Variants in BAZ1B observed in about 807,000 individuals in gnomAD.
BAZ1B encodes the protein bromodomain adjacent to zinc finger domain 1B, also known as tyrosine-protein kinase BAZ1B.
In BAZ1B, 22 loss-of-function variants were observed where a neutral mutation model predicts 153.8. The observed-to-expected ratio is 0.14, with a 90% CI of 0.10 to 0.20. BAZ1B has a LOEUF of 0.20. Among genes scored for constraint, BAZ1B ranks in the 10% least tolerant of loss-of-function variants. The pLI, the probability that BAZ1B is intolerant of heterozygous loss-of-function variation, is 1.00. For synonymous variants in BAZ1B, 676 were observed against 633.4 expected, an observed-to-expected ratio of 1.07 and a Z score of -1.01; for missense variants, 1,325 against 1,799.3, an observed-to-expected ratio of 0.74 and a Z score of 4.77.
At chr7:73,520,535 A>G (rs1484228060) in intron 1 of BAZ1B, among the ~76,000 whole-genome samples, 1 of 152,104 alleles carries the variant, frequency 6.6e-6, no homozygotes, top group Non-Finnish European at 1.5e-5. Context: ...CAACTCAGCA[A>G]ACCAAGCCCG....
intron 4 of BAZ1B, among the ~76,000 whole-genome samples, chr7:73,495,563 T>C (rs782759080): frequency 3.3e-5 from 5 of 152,138 alleles, no homozygotes; most frequent in Non-Finnish European, 7.4e-5. Flanking sequence ...AGCTAAGAGA[T>C]ATGAGTGACC....
intron 19 of BAZ1B, 34 bp downstream of exon 19, chr7:73,442,147 C>T (rs1554565158): frequency 5.4e-6 from 4 of 745,496 alleles, no homozygotes; most frequent in Admixed American, 2.1e-5. Context: ...CCCTCCCACC[C>T]TCCCTAGCTG....
chr7:73,516,427 T>C (rs1470578569), intron 1 of BAZ1B, among the ~76,000 whole-genome samples: 2 of 152,108 alleles, frequency 1.3e-5, no homozygotes, highest in Admixed American at 1.3e-4. Context: ...AAACCTGAAG[T>C]ATACATCTCA....
At chr7:73,465,558 T>C in intron 10 of BAZ1B, 21 bp from the exon 11 acceptor site, 9 of 1,482,030 alleles carry the variant, frequency 6.1e-6, no homozygotes, top group Non-Finnish European at 8.3e-6. Flanking sequence ...AAAAGAGACC[T>C]GATAACTCTG....
intron 9 of BAZ1B, 40 bp from the exon 10 acceptor site, chr7:73,466,441 C>T (rs782015391): frequency 1.4e-6 from 2 of 1,407,234 alleles, no homozygotes; most frequent in South Asian, 1.2e-5. Flanking sequence ...TTAGTAAATA[C>T]CCAATTGCTA....
At chr7:73,515,129 T>C (rs1228701044) in intron 1 of BAZ1B, among the ~76,000 whole-genome samples, 1 of 152,194 alleles carries the variant, frequency 6.6e-6, no homozygotes, top group African/African-American at 2.4e-5. Context: ...TCACACCTTC[T>C]CTGCCAAGAA....
chr7:73,468,822 A>G (rs1299780755), intron 9 of BAZ1B, among the ~76,000 whole-genome samples: 7 of 152,190 alleles, frequency 4.6e-5, no homozygotes, highest in Admixed American at 1.3e-4. Flanking sequence ...CACTGAATAA[A>G]TTAATTTTAA....
chr7:73,475,360 T>C (rs925931637), intron 7 of BAZ1B, among the ~76,000 whole-genome samples: 2 of 152,202 alleles, frequency 1.3e-5, no homozygotes, highest in East Asian at 1.9e-4. Flanking sequence ...CAAAACGTGG[T>C]ATATCCAAAC....
chr7:73,518,629 C>T lies in BAZ1B; in HGVS notation c.107+3198G>A, dbSNP rs183420022. Among the ~76,000 whole-genome samples the T allele has an allele frequency of 4.1e-3, 622 of 152,014 alleles. 3 individuals are homozygous for T. The highest frequency in any genetic ancestry group is 0.014 in the African/African-American group (597 of 41,468). On this transcript the variant is annotated intron_variant, in intron 1 of 19. Transcript: ENST00000339594. ...GCTGAGGCAGGAGGATCTCTTGAGTCCGGTTCAAGGCTTCCCTGTGCTACC... is the reference window on the plus strand; with the variant it reads ...GCTGAGGCAGGAGGATCTCTTGAGTTCGGTTCAAGGCTTCCCTGTGCTACC...
chr7:73,488,394 C>T (rs949942898), intron 6 of BAZ1B, among the ~76,000 whole-genome samples: 4 of 152,158 alleles, frequency 2.6e-5, no homozygotes, highest in Admixed American at 1.3e-4. Context: ...TACCATATAA[C>T]TTCATAAAAA....
At chr7:73,469,790 G>T in intron 8 of BAZ1B, 140 bp from the exon 9 acceptor site, 1 of 959,862 alleles carries the variant, frequency 1.0e-6, no homozygotes, top group Non-Finnish European at 1.5e-6. Flanking sequence ...CAGAACTCTA[G>T]ACAGATAAAA....
chr7:73,478,363 T>C lies in BAZ1B; in HGVS notation c.1098A>G (p.Leu366=). The C allele has an allele frequency of 6.2e-7, 1 of 1,612,320 alleles. No homozygotes were observed. Among genetic ancestry groups the C allele is most frequent in the Non-Finnish European group, 8.5e-7 (1 of 1,179,572 alleles). ...GCGACATCATCTTCATCATTTCTTC[T>C]AGATGTTCTTCAGGAGATTTGGAAT... ...SKNSKSPEEH[L]EEMMKMMSPN... The change falls in exon 7 of 20, where the codon CTA becomes CTG. Residue 366 remains leucine (L), a synonymous_variant. Transcript: ENST00000339594.
chr7:73,495,802 T>C (rs1789854200), intron 4 of BAZ1B, among the ~76,000 whole-genome samples: 1 of 152,202 alleles, frequency 6.6e-6, no homozygotes, highest in Admixed American at 6.5e-5. Context: ...TACTGCATGT[T>C]CTCACTTGTA....
chr7:73,483,580 T>C (rs1260143124), intron 6 of BAZ1B, among the ~76,000 whole-genome samples: 5 of 152,176 alleles, frequency 3.3e-5, no homozygotes, highest in Admixed American at 2.6e-4. Flanking sequence ...CAACCATTCC[T>C]TCAACAATAT....
intron 3 of BAZ1B, among the ~76,000 whole-genome samples, chr7:73,498,975 C>T (rs1790022317): frequency 6.6e-6 from 1 of 152,216 alleles, no homozygotes; most frequent in South Asian, 2.1e-4. Context: ...CTGTACCAGC[C>T]TAAAATATGT....
At chr7:73,469,145 A>AG (rs1554571639) in intron 9 of BAZ1B, among the ~76,000 whole-genome samples, 6 of 151,718 alleles carry the variant, frequency 4.0e-5, no homozygotes, top group African/African-American at 1.2e-4. Flanking sequence ...AAAAAAAAAA[A>AG]AAGAAGAAGA....
intron 13 of BAZ1B, among the ~76,000 whole-genome samples, chr7:73,456,731 C>G (rs1788215215): frequency 6.6e-6 from 1 of 151,788 alleles, no homozygotes; most frequent in Admixed American, 6.6e-5. Context: ...CACCTGAGGT[C>G]AGGAGTTTGA....
Position 73,442,457 on chromosome 7 carries a change from G to C in BAZ1B, c.4191C>G (p.Ser1397Arg), listed in dbSNP as rs1351294648. ...QTVQNKCSCG[S>R]YRSVQEFLTD... ...TAAGAAACTCCTGCACAGAGCGGTA[G>C]CTCCCACAGGAACATTTGTTCTGCA... is the stretch of plus-strand genomic sequence containing the variant. Residue 1397 changes from serine (S) to arginine (R), a missense_variant, in exon 19 of 20, where the codon AGC (serine) becomes AGG (arginine). Ser to Arg is a moderately radical substitution (Grantham distance 110). This residue lies in a region of BAZ1B where 271 missense variants were observed against 337.2 expected (regional missense o/e 0.80). Coordinates refer to ENST00000339594, the MANE Select transcript of BAZ1B (RefSeq NM_032408.4). The C allele has an allele frequency of 1.2e-6, 2 of 1,614,092 alleles. No individual in the cohort carries two copies. Among genetic ancestry groups the C allele is most frequent in the African/African-American group, 2.7e-5 (2 of 74,938 alleles).
In BAZ1B at chr7:73,522,072, G is replaced by C. The variant is rs1023684477; in HGVS notation, c.-139C>G. 1 of 534,336 alleles carries C rather than the reference G, an allele frequency of 1.9e-6. No individual in the cohort carries two copies. Among genetic ancestry groups the C allele is most frequent in the Non-Finnish European group, 2.8e-6 (1 of 351,504 alleles). The allele number at this position is 534,336 out of a possible 1,614,324, so 33.1% of individuals were successfully genotyped here. A position where few individuals can be genotyped will look rare whatever the true frequency, so the allele number is the denominator to read the frequency against. On this transcript the variant is annotated 5_prime_UTR_variant, in exon 1 of 20. Coordinates refer to ENST00000339594, the MANE Select transcript of BAZ1B (RefSeq NM_032408.4). Reference sequence around the variant, plus strand: ...GGGGTGAGAGGGCGGCGCGAACTCCGGCTCCCTCACCGCCGGCGCGGCCGC... The same window carrying C: ...GGGGTGAGAGGGCGGCGCGAACTCCCGCTCCCTCACCGCCGGCGCGGCCGC...
Sources: gnomAD v4.1 joint callset for allele counts (sites outside exome capture counted in the v4.1 genomes callset) on GRCh38, gnomAD v4.1.1 for gene constraint, gnomAD v4.1.1 regional missense constraint, MANE v1.5 for transcripts, NCBI Gene and HGNC (gene_info 2026-07-23, HGNC 2026-07-21) for gene names.